DENND4C: variants seen among roughly 807,000 people sequenced by gnomAD.
DENND4C encodes the protein DENN domain containing 4C.
DENND4C carries 108 observed loss-of-function variants against 203.0 expected under a neutral mutation model. The ratio of observed to expected loss-of-function variants is 0.53; its 90% CI spans 0.46 to 0.62. DENND4C has a LOEUF of 0.62. DENND4C is among the 20% of genes least tolerant of loss of function. DENND4C has a pLI of 0.00. For synonymous variants in DENND4C, 871 were observed against 792.4 expected (o/e 1.10, Z -1.67); for missense variants, 2,481 against 2,301.2 (o/e 1.08, Z -1.60).
chr9:19,237,338 AT>A (rs540686932), intron 1 of DENND4C, among the ~76,000 whole-genome samples: 24 of 148,426 alleles, frequency 1.6e-4, no homozygotes, highest in Non-Finnish European at 3.3e-4. Flanking sequence ...TAGATTCAGG[AT>A]TTTGTTTTTT....
At chr9:19,296,488 C>T (rs995004760) in intron 6 of DENND4C, among the ~76,000 whole-genome samples, 7 of 151,752 alleles carry the variant, frequency 4.6e-5, no homozygotes, top group African/African-American at 7.3e-5. Flanking sequence ...GTCAGCCTCC[C>T]GAGTAGCTGG....
At chr9:19,326,322 T>G (rs1817827257) in intron 15 of DENND4C, 128 bp downstream of exon 15, 1 of 961,078 alleles carries the variant, frequency 1.0e-6, no homozygotes, top group South Asian at 2.9e-5. Context: ...CTAATGTAGA[T>G]AAATATTTTA....
At chr9:19,337,340 T>G (rs1286450201) in intron 20 of DENND4C, among the ~76,000 whole-genome samples, 1 of 152,254 alleles carries the variant, frequency 6.6e-6, no homozygotes, top group Non-Finnish European at 1.5e-5. Flanking sequence ...AAGTTAGAAA[T>G]AAGTGTAACT....
rs1405924787 is a variant in DENND4C, at chr9:19,352,385, C to T, written c.4606-105C>T. The stretch of plus-strand genomic sequence containing the variant: ...ATAAAAGAACTGTTATTAATAATTC[C>T]AAATTTGATCAGTAGAATAAAAAAA... On this transcript the variant is annotated intron_variant, in intron 25 of 32. Coordinates refer to ENST00000434457, the MANE Select transcript of DENND4C (RefSeq NM_001330640.2). The T allele has an allele frequency of 9.0e-6, 11 of 1,215,996 alleles. No homozygotes were observed. In the South Asian group the frequency reaches 1.4e-4, roughly 15 times the overall value. The allele number at this position is 1,215,996 out of a possible 1,614,324, so 75.3% of individuals were successfully genotyped here.
intron 1 of DENND4C, among the ~76,000 whole-genome samples, chr9:19,259,895 C>G (rs1253031745): frequency 8.5e-5 from 13 of 152,188 alleles, no homozygotes; most frequent in African/African-American, 3.1e-4. Context: ...CAAATCTTGG[C>G]TATTGTGAAT....
intron 1 of DENND4C, among the ~76,000 whole-genome samples, chr9:19,268,315 G>A (rs1183316585): frequency 6.6e-6 from 1 of 152,070 alleles, no homozygotes; most frequent in Admixed American, 6.6e-5. Flanking sequence ...GTCCAGGCTG[G>A]TATTGAACGC....
At position 19,357,022 on chromosome 9, in the gene DENND4C, T is replaced by G; in HGVS notation, c.4832T>G (p.Ile1611Ser). Reference protein sequence around the residue: ...TSGDSLQSGSIPLANESLEHK... With the variant: ...TSGDSLQSGSSPLANESLEHK... The stretch of plus-strand genomic sequence containing the variant: ...GGTGACAGTTTACAAAGTGGAAGCA[T>G]TCCATTGGCAAATGAATCCTTGGAG... The change falls in exon 27 of 33, where the codon ATT becomes AGT. Residue 1611 changes from isoleucine (I) to serine (S), a missense_variant. Physicochemically the swap from Ile to Ser is moderately radical, Grantham distance 142. Around this residue, in one of 3 missense-constraint regions of DENND4C, gnomAD observed 2,289 missense variants for 2,113.3 expected, o/e 1.08. Transcript: ENST00000434457. 3 of 1,613,988 alleles carry G rather than the reference T, an allele frequency of 1.9e-6. No homozygotes were observed. The highest frequency in any genetic ancestry group is 1.7e-6 in the Non-Finnish European group (2 of 1,179,902).
At chr9:19,311,341 G>T (rs1840703513) in intron 10 of DENND4C, among the ~76,000 whole-genome samples, 1 of 152,080 alleles carries the variant, frequency 6.6e-6, no homozygotes, top group Admixed American at 6.6e-5. Flanking sequence ...GGCCAAGCTG[G>T]TCTGGAACTC....
At chr9:19,266,048 T>G (rs1052522965) in intron 1 of DENND4C, among the ~76,000 whole-genome samples, 1 of 152,224 alleles carries the variant, frequency 6.6e-6, no homozygotes, top group Non-Finnish European at 1.5e-5. Context: ...TCCACAATGG[T>G]TGAACTAGTT....
chr9:19,244,240 A>G (rs1439555680), intron 1 of DENND4C, among the ~76,000 whole-genome samples: 2 of 152,152 alleles, frequency 1.3e-5, no homozygotes, highest in Non-Finnish European at 1.5e-5. Flanking sequence ...CATGTTAGCC[A>G]GGCTGGTCTT....
At chr9:19,355,070 C>T (rs925169973) in intron 26 of DENND4C, among the ~76,000 whole-genome samples, 3 of 151,658 alleles carry the variant, frequency 2.0e-5, no homozygotes, top group East Asian at 1.9e-4. Flanking sequence ...CCACCACGCC[C>T]GGCTAATTTT....
At chr9:19,252,859 C>T (rs968599118) in intron 1 of DENND4C, among the ~76,000 whole-genome samples, 4 of 152,258 alleles carry the variant, frequency 2.6e-5, no homozygotes, top group Admixed American at 2.0e-4. Flanking sequence ...CCTCAGCCTT[C>T]CAAGTATCTA....
At chr9:19,265,290 TAC>T (rs1830261058) in intron 1 of DENND4C, among the ~76,000 whole-genome samples, 1 of 152,192 alleles carries the variant, frequency 6.6e-6, no homozygotes, top group Non-Finnish European at 1.5e-5. Context: ...ATGCTGGGAT[TAC>T]AGGTGTAAGC....
chr9:19,268,801 G>A lies in DENND4C; in HGVS notation c.-17-7357G>A, dbSNP rs916867373. 1.4e-4 allele frequency among the ~76,000 whole-genome samples: 22 copies of A among 152,048 alleles called. 2 individuals carry two copies. The highest frequency in any genetic ancestry group is 4.6e-4 in the Admixed American group (7 of 15,280). The stretch of plus-strand genomic sequence containing the variant: ...TAAAGTTTCTACTGAGAAGTGTGCT[G>A]CCAGACACATTAGAGCTCCTTTGTA... On this transcript the variant is annotated intron_variant, in intron 1 of 32. Coordinates refer to ENST00000434457, the MANE Select transcript of DENND4C (RefSeq NM_001330640.2).
intron 5 of DENND4C, among the ~76,000 whole-genome samples, chr9:19,294,866 G>A (rs1008087914): frequency 2.0e-5 from 3 of 152,130 alleles, no homozygotes; most frequent in Non-Finnish European, 4.4e-5. Flanking sequence ...AAGTACAATA[G>A]AGATTACCAG....
At chr9:19,341,540 G>A (rs1307819760) in intron 21 of DENND4C, among the ~76,000 whole-genome samples, 2 of 151,834 alleles carry the variant, frequency 1.3e-5, no homozygotes, top group East Asian at 3.9e-4. Context: ...GACCTACTGA[G>A]CTCAAGTGAT....
intron 16 of DENND4C, among the ~76,000 whole-genome samples, chr9:19,330,129 C>T (rs1052463831): frequency 2.0e-5 from 3 of 151,768 alleles, no homozygotes; most frequent in Non-Finnish European, 4.4e-5. Context: ...TTACTGTTAC[C>T]AGCTAACAAA....
At chr9:19,318,073 C>T (rs1190927549) in intron 12 of DENND4C, among the ~76,000 whole-genome samples, 4 of 152,240 alleles carry the variant, frequency 2.6e-5, no homozygotes, top group Admixed American at 6.5e-5. Flanking sequence ...AATCCCAACA[C>T]TTTGGGAGAC....
chr9:19,240,672 CA>C (rs35202603), intron 1 of DENND4C, among the ~76,000 whole-genome samples: 117,311 of 143,834 alleles, frequency 0.82, 47,904 homozygotes, highest in Admixed American at 0.87. Context: ...TCTCAAAAAA[CA>C]AAAAAAAAAA....
Sources: allele counts gnomAD v4.1 joint callset (sites outside exome capture counted in the v4.1 genomes callset), GRCh38; gene constraint gnomAD v4.1.1; regional missense constraint gnomAD v4.1.1; transcripts MANE v1.5; gene names NCBI Gene and HGNC (gene_info 2026-07-23, HGNC 2026-07-21).